CLINT1: variants seen among roughly 807,000 people sequenced by gnomAD.
CLINT1 encodes the protein clathrin interactor 1.
Under a neutral mutation model 70.4 loss-of-function variants are expected in CLINT1, and 15 were observed. The ratio of observed to expected loss-of-function variants is 0.21; its 90% CI spans 0.14 to 0.33. The LOEUF (loss-of-function observed/expected upper bound fraction) is 0.33, where lower values mean the gene tolerates loss of function less well. Among genes scored for constraint, CLINT1 ranks in the 10% least tolerant of loss-of-function variants. The probability of loss-of-function intolerance (pLI) is 1.00; values close to 1 mark genes in which losing one functional copy is unlikely to be tolerated. For missense variants in CLINT1, 615 were observed against 778.1 expected, an observed-to-expected ratio of 0.79 and a Z score of 2.49; for synonymous variants, 227 against 254.7, an observed-to-expected ratio of 0.89 and a Z score of 1.04.
intron 7 of CLINT1, among the ~76,000 whole-genome samples, chr5:157,804,078 G>C (rs1762312711): frequency 1.4e-5 from 2 of 146,286 alleles, no homozygotes; most frequent in Admixed American, 1.4e-4. Flanking sequence ...ATATGTACCA[G>C]TCCCATACAA....
chr5:157,840,864 C>T (rs979283648), intron 1 of CLINT1, among the ~76,000 whole-genome samples: 2 of 151,714 alleles, frequency 1.3e-5, no homozygotes, highest in South Asian at 2.1e-4. Flanking sequence ...AGCAACACAG[C>T]GAGACCCCAT....
chr5:157,789,504 T>C lies in CLINT1; in HGVS notation c.1390A>G (p.Met464Val), dbSNP rs545519718. 14 of 1,613,966 alleles carry C rather than the reference T, an allele frequency of 8.7e-6. No homozygotes were observed. Among genetic ancestry groups the C allele is most frequent in the Admixed American group, 6.7e-5 (4 of 60,024 alleles). Residue 464 changes from methionine to valine, a missense_variant, in exon 11 of 12, where the codon ATG becomes GTG. By Grantham distance (21) the Met-to-Val change is conservative. Coordinates refer to ENST00000411809, the MANE Select transcript of CLINT1 (RefSeq NM_014666.4). ...LPMSRSQNTD[M>V]VQKSVSKTLP... ...GTTTTGCTGACTGATTTCTGGACCATATCTGTATTCTGATTATAGAGAGGA... is the reference window on the plus strand; with the variant it reads ...GTTTTGCTGACTGATTTCTGGACCACATCTGTATTCTGATTATAGAGAGGA...
chr5:157,842,297 G>A (rs1330094300), intron 1 of CLINT1, among the ~76,000 whole-genome samples: 1 of 152,064 alleles, frequency 6.6e-6, no homozygotes, highest in Non-Finnish European at 1.5e-5. Context: ...GTACTTATAA[G>A]TAAAAAATCT....
chr5:157,845,327 C>T (rs1145601), intron 1 of CLINT1, among the ~76,000 whole-genome samples: 20,281 of 151,430 alleles, frequency 0.13, 1,781 homozygotes, highest in African/African-American at 0.25. Flanking sequence ...CCAGCCTGGG[C>T]GGCAGAGTAA....
intron 1 of CLINT1, among the ~76,000 whole-genome samples, chr5:157,837,649 CTT>C (rs202044066): frequency 4.3e-5 from 6 of 138,526 alleles, no homozygotes; most frequent in South Asian, 2.2e-4. Context: ...AGCTCTTTTA[CTT>C]TTTTTTTTTT....
In CLINT1 at chr5:157,819,695, T is replaced by C. The variant is rs966746439; in HGVS notation, c.42-2148A>G. On this transcript the variant is annotated intron_variant, in intron 1 of 11. Transcript: ENST00000411809. ...AAAATGCAGCTGTGAAAATGAACAA[T>C]AGCAATTAGGATTATAATTCACCCA... 7.9e-5 allele frequency among the ~76,000 whole-genome samples: 12 copies of C among 152,180 alleles called. No individual in the cohort carries two copies. In the East Asian group the frequency reaches 9.6e-4, roughly 12 times the overall value.
intron 1 of CLINT1, among the ~76,000 whole-genome samples, chr5:157,856,174 T>C (rs1753754268): frequency 6.6e-6 from 1 of 152,222 alleles, no homozygotes; most frequent in Non-Finnish European, 1.5e-5. Context: ...CTTTTCAGCC[T>C]AAATTGTCTA....
rs545797340 is a variant in CLINT1, at chr5:157,842,832, C to G, written c.41+16098G>C. 5.9e-5 allele frequency among the ~76,000 whole-genome samples: 9 copies of G among 152,340 alleles called. No homozygotes were observed. In the South Asian group the frequency reaches 1.9e-3, roughly 32 times the overall value. On this transcript the variant is annotated intron_variant, in intron 1 of 11. Coordinates refer to ENST00000411809, the MANE Select transcript of CLINT1 (RefSeq NM_014666.4). Reference sequence around the variant, plus strand: ...TCCTATTCTGTACTTACAGCAACTTCAGACTCACATCGTTTTGCGTGTAAG... The same window carrying G: ...TCCTATTCTGTACTTACAGCAACTTGAGACTCACATCGTTTTGCGTGTAAG...
chr5:157,798,579 C>G (rs994669790), intron 8 of CLINT1, among the ~76,000 whole-genome samples: 4 of 150,606 alleles, frequency 2.7e-5, no homozygotes, highest in Non-Finnish European at 5.9e-5. Flanking sequence ...TGGCAAAGTG[C>G]AAAAAAAATG....
chr5:157,798,698 T>C (rs2113152003), intron 8 of CLINT1, among the ~76,000 whole-genome samples: 1 of 152,224 alleles, frequency 6.6e-6, no homozygotes, highest in Middle Eastern at 3.4e-3. Context: ...ACAACTGGCC[T>C]ATAAAAATAT....
At chr5:157,790,819 A>G (rs1303640827) in intron 10 of CLINT1, among the ~76,000 whole-genome samples, 1 of 152,244 alleles carries the variant, frequency 6.6e-6, no homozygotes, top group Non-Finnish European at 1.5e-5. Flanking sequence ...ATAGTGAATT[A>G]AGAAGCTCCC....
At chr5:157,856,780 A>G (rs773847136) in intron 1 of CLINT1, among the ~76,000 whole-genome samples, 1 of 152,196 alleles carries the variant, frequency 6.6e-6, no homozygotes, top group Non-Finnish European at 1.5e-5. Flanking sequence ...ACATTCTTCT[A>G]TGTTCTTGAA....
At chr5:157,837,459 A>G (rs1032901836) in intron 1 of CLINT1, among the ~76,000 whole-genome samples, 3 of 152,222 alleles carry the variant, frequency 2.0e-5, no homozygotes, top group African/African-American at 7.2e-5. Context: ...CTCATTAACT[A>G]AAAGATGTTT....
At chr5:157,823,626 T>C (rs971882848) in intron 1 of CLINT1, 2 of 242,864 alleles carry the variant, frequency 8.2e-6, no homozygotes, top group African/African-American at 4.7e-5. Flanking sequence ...AAAATCTGTA[T>C]TTAAAAGTCA....
chr5:157,841,380 A>G (rs1289526260), intron 1 of CLINT1, among the ~76,000 whole-genome samples: 1 of 151,152 alleles, frequency 6.6e-6, no homozygotes, highest in South Asian at 2.1e-4. Context: ...AGCCTGGCCA[A>G]CATGGTGAAA....
intron 7 of CLINT1, among the ~76,000 whole-genome samples, chr5:157,805,486 A>G (rs1010343308): frequency 1.3e-5 from 2 of 152,234 alleles, no homozygotes; most frequent in African/African-American, 4.8e-5. Flanking sequence ...TTGCCCCTAT[A>G]TATCTCTTCT....
intron 8 of CLINT1, among the ~76,000 whole-genome samples, chr5:157,803,388 A>G (rs1000204416): frequency 7.9e-5 from 12 of 152,204 alleles, no homozygotes; most frequent in Non-Finnish European, 1.6e-4. Context: ...TTAACCACCA[A>G]TAAGTACTGA....
At chr5:157,838,492 G>GC (rs1268272072) in intron 1 of CLINT1, among the ~76,000 whole-genome samples, 1 of 152,196 alleles carries the variant, frequency 6.6e-6, no homozygotes, top group African/African-American at 2.4e-5. Flanking sequence ...CTAAGTACAT[G>GC]CTTAATACGT....
intron 3 of CLINT1, 89 bp downstream of exon 3, chr5:157,816,645 T>C (rs1343241538): frequency 2.5e-6 from 2 of 791,746 alleles, no homozygotes; most frequent in African/African-American, 3.6e-5. Flanking sequence ...GGATTTAATA[T>C]ACTTCAAAAT....
Sources: allele counts gnomAD v4.1 joint callset (sites outside exome capture counted in the v4.1 genomes callset), GRCh38; gene constraint gnomAD v4.1.1; transcripts MANE v1.5; gene names NCBI Gene and HGNC (gene_info 2026-07-23, HGNC 2026-07-21).